Variants in HPN observed in about 807,000 individuals in gnomAD.
HPN encodes serine protease hepsin.
In HPN, 13 loss-of-function variants were observed where a neutral mutation model predicts 55.9. That is an observed-to-expected ratio of 0.23 (90% CI 0.15 to 0.37). The LOEUF (loss-of-function observed/expected upper bound fraction) is 0.37. Among genes scored for constraint, HPN ranks in the 10% least tolerant of loss-of-function variants. HPN has a pLI of 1.00. For synonymous variants in HPN, 225 were observed against 240.3 expected, an observed-to-expected ratio of 0.94 and a Z score of 0.59; for missense variants, 451 against 575.8, an observed-to-expected ratio of 0.78 and a Z score of 2.22.
chr19:35,041,404 G>T (rs1365918126), upstream of HPN, among the ~76,000 whole-genome samples: 7 of 152,078 alleles, frequency 4.6e-5, no homozygotes, highest in Non-Finnish European at 7.4e-5. Flanking sequence ...GGAAGGGTTC[G>T]CTGGGTGAGG....
chr19:35,047,134 T>G (rs931954218), intron 2 of HPN, among the ~76,000 whole-genome samples: 2 of 152,302 alleles, frequency 1.3e-5, no homozygotes, highest in African/African-American at 4.8e-5. Flanking sequence ...GGCTAGGAGT[T>G]GGCTTTTAAT....
intron 4 of HPN, among the ~76,000 whole-genome samples, chr19:35,056,215 G>A (rs12974510): frequency 0.15 from 22,436 of 151,670 alleles, 1,808 homozygotes; most frequent in African/African-American, 0.22. Flanking sequence ...CACCCTCCAT[G>A]CCGGCACTCC....
rs1568364829 is a variant in HPN, at chr19:35,065,909, T to A, written c.1092T>A (p.Ser364=). The A allele has an allele frequency of 6.2e-7, 1 of 1,614,138 alleles. No individual in the cohort carries two copies. ...CCTTTGTGTGTGAGGACAGCATCTCTCGGACGCCACGTTGGCGGCTGTGTG... is the reference window on the plus strand; with the variant it reads ...CCTTTGTGTGTGAGGACAGCATCTCACGGACGCCACGTTGGCGGCTGTGTG... ...GGPFVCEDSI[S]RTPRWRLCGI... Residue 364 remains serine, a synonymous_variant, in exon 12 of 13, where the codon TCT becomes TCA. Coordinates refer to ENST00000672452, the MANE Select transcript of HPN (RefSeq NM_001384133.1).
chr19:35,047,573 C>T (rs141910344), intron 2 of HPN, among the ~76,000 whole-genome samples: 16 of 152,278 alleles, frequency 1.1e-4, no homozygotes, highest in Non-Finnish European at 2.4e-4. Flanking sequence ...CGCATGAGAA[C>T]GTGAACCCCT....
chr19:35,059,468 C>T (rs1243821743), intron 4 of HPN: 7 of 711,588 alleles, frequency 9.8e-6, no homozygotes, highest in Admixed American at 2.0e-5. Flanking sequence ...GGCAACAGAG[C>T]GAGACCCTGT....
intron 4 of HPN, among the ~76,000 whole-genome samples, chr19:35,058,303 C>A (rs1449303932): frequency 6.7e-6 from 1 of 149,474 alleles, no homozygotes; most frequent in African/African-American, 2.4e-5. Context: ...CCTCAGCCTC[C>A]CGAGTAGCTG....
chr19:35,048,075 AG>A lies in HPN; in HGVS notation c.17-1214del, dbSNP rs1568356402. 2.6e-3 allele frequency among the ~76,000 whole-genome samples: 147 copies of A among 56,910 alleles called. 5 individuals carry two copies. The highest frequency in any genetic ancestry group is 0.017 in the East Asian group (14 of 838). The allele number at this position is 56,910 out of a possible 152,430, so 37.3% of individuals were successfully genotyped here. On this transcript the variant is annotated intron_variant, in intron 2 of 12. Coordinates refer to ENST00000672452, the MANE Select transcript of HPN (RefSeq NM_001384133.1). ...AAGAAAGAAAGAAAGAAAGAAAGAA[AG>A]AAAGAAAAGGAAGGAAGGAAGGAAA...
chr19:35,063,678 C>T (rs1438219469), intron 9 of HPN, among the ~76,000 whole-genome samples: 4 of 152,318 alleles, frequency 2.6e-5, no homozygotes, highest in Non-Finnish European at 4.4e-5. Flanking sequence ...CCACACCCTT[C>T]TCCTTAGTGA....
Position 35,066,008 on chromosome 19 carries a change from G to A in HPN, c.1191G>A (p.Arg397=). ...PGVYTKVSDF[R]EWIFQAIKTH... Reference sequence around the variant, plus strand: ...TCTACACCAAAGTCAGTGACTTCCGGGAGTGGATCTTCCAGGCCATAAAGG... The same window carrying A: ...TCTACACCAAAGTCAGTGACTTCCGAGAGTGGATCTTCCAGGCCATAAAGG... Residue 397 remains arginine (R), a synonymous_variant, in exon 12 of 13, where the codon CGG becomes CGA. Coordinates refer to ENST00000672452, the MANE Select transcript of HPN (RefSeq NM_001384133.1). The A allele has an allele frequency of 6.2e-7, 1 of 1,611,852 alleles. No individual in the cohort carries two copies. Among genetic ancestry groups the A allele is most frequent in the Non-Finnish European group, 8.5e-7 (1 of 1,180,030 alleles).
chr19:35,044,512 C>T (rs1287790786), intron 2 of HPN, among the ~76,000 whole-genome samples: 1 of 152,166 alleles, frequency 6.6e-6, no homozygotes, highest in Non-Finnish European at 1.5e-5. Flanking sequence ...CTGGCCAATT[C>T]CTTGCAGTAC....
intron 9 of HPN, among the ~76,000 whole-genome samples, chr19:35,065,023 C>T (rs4558519): frequency 0.62 from 94,489 of 151,966 alleles, 32,072 homozygotes; most frequent in Admixed American, 0.77. Flanking sequence ...GGTTTCGCCA[C>T]GTTGGCCAGG....
At chr19:35,059,577 T>G in intron 4 of HPN, 96 bp from the exon 5 acceptor site, 1 of 1,477,484 alleles carries the variant, frequency 6.8e-7, no homozygotes, top group Non-Finnish European at 9.2e-7. Flanking sequence ...CTACACCACA[T>G]GGCTGGAGCA....
intron 2 of HPN, among the ~76,000 whole-genome samples, chr19:35,045,651 G>A (rs754463479): frequency 5.9e-5 from 9 of 151,864 alleles, no homozygotes; most frequent in Non-Finnish European, 8.8e-5. Context: ...TTGACGTGCC[G>A]CCTGTCCCAG....
At chr19:35,046,389 C>T (rs1450611405) in intron 2 of HPN, among the ~76,000 whole-genome samples, 6 of 151,836 alleles carry the variant, frequency 4.0e-5, no homozygotes, top group East Asian at 3.9e-4. Flanking sequence ...GGACTATAGG[C>T]GCCCGCCACC....
Position 35,060,118 on chromosome 19 carries a change from A to T in HPN, c.414-11A>T, listed in dbSNP as rs1465027570. 6.2e-7 allele frequency: 1 copy of T among 1,614,012 alleles called. No individual in the cohort carries two copies. Among genetic ancestry groups the T allele is most frequent in the Admixed American group, 1.7e-5 (1 of 60,006 alleles). The stretch of plus-strand genomic sequence containing the variant: ...CCTTTCTTTCTGTGTCTCCAATCCC[A>T]TCTCTCCCAGTGATTGCCCCAGAGG... On this transcript the variant is annotated splice_polypyrimidine_tract_variant and intron_variant, in intron 6 of 12. Transcript: ENST00000672452.
chr19:35,053,535 G>T (rs1028650174), intron 4 of HPN, among the ~76,000 whole-genome samples: 3 of 152,118 alleles, frequency 2.0e-5, no homozygotes, highest in African/African-American at 7.2e-5. Context: ...CAGATCACTT[G>T]AGGTCAGGAG....
intron 4 of HPN, among the ~76,000 whole-genome samples, chr19:35,053,784 G>A (rs754066330): frequency 7.9e-5 from 12 of 151,412 alleles, no homozygotes; most frequent in Non-Finnish European, 1.2e-4. Context: ...ATAAGAATCC[G>A]CCCCCCTCCC....
chr19:35,064,983 G>A (rs62120397), intron 9 of HPN, among the ~76,000 whole-genome samples: 4 of 152,018 alleles, frequency 2.6e-5, no homozygotes, highest in Non-Finnish European at 4.4e-5. Flanking sequence ...CACCATGCCC[G>A]GCTAATTTTT....
rs113175033 is a variant in HPN at position 35,064,782 on chromosome 19, T to A, written c.812-468T>A. 8.7e-3 allele frequency among the ~76,000 whole-genome samples: 1,318 copies of A among 151,828 alleles called. 14 individuals carry two copies. Among genetic ancestry groups the A allele is most frequent in the African/African-American group, 0.03 (1,239 of 41,442 alleles). ...GTGCAGGAAGGCGCCTAGTATGCGA[T>A]GAGCTCTTGGTACGTGGCGACTTCC... On this transcript the variant is annotated intron_variant, in intron 9 of 12. Transcript: ENST00000672452.
Sources: gnomAD v4.1 joint callset for allele counts (sites outside exome capture counted in the v4.1 genomes callset) on GRCh38, gnomAD v4.1.1 for gene constraint, MANE v1.5 for transcripts, NCBI Gene and HGNC (gene_info 2026-07-23, HGNC 2026-07-21) for gene names.